The following NR3C2 variants were observed in gnomAD, a reference collection of about 807,000 sequenced individuals.
The protein encoded by NR3C2 is nuclear receptor subfamily 3 group C member 2.
A neutral mutation model predicts 86.4 loss-of-function variants in NR3C2; 15 were observed. The ratio of observed to expected loss-of-function variants is 0.17; its 90% CI spans 0.12 to 0.27. NR3C2 has a LOEUF of 0.27. NR3C2 is among the 10% of genes least tolerant of loss of function. The pLI is 1.00. For missense variants in NR3C2, 960 were observed against 1,195.6 expected (o/e 0.80, Z 2.91); for synonymous variants, 458 against 450.5 (o/e 1.02, Z -0.21).
At position 148,136,822 on chromosome 4, in the gene NR3C2, T is replaced by C. The variant is rs1370723116; in HGVS notation, c.2510+15647A>G. 3.9e-5 allele frequency among the ~76,000 whole-genome samples: 6 copies of C among 152,132 alleles called. No homozygotes were observed. The South Asian group carries it at 1.2e-3, about 32-fold the overall frequency. ...CTCGAGTGCCCATCCATAACACCTGTCATCCGTCATTTGTCTTCACCTTGT... is the reference window on the plus strand; with the variant it reads ...CTCGAGTGCCCATCCATAACACCTGCCATCCGTCATTTGTCTTCACCTTGT... On this transcript the variant is annotated intron_variant, in intron 6 of 8. Coordinates refer to ENST00000358102, the MANE Select transcript of NR3C2 (RefSeq NM_000901.5).
intron 3 of NR3C2, among the ~76,000 whole-genome samples, chr4:148,205,865 G>T (rs1736977412): frequency 1.3e-5 from 2 of 152,140 alleles, no homozygotes; most frequent in Admixed American, 1.3e-4. Context: ...TTCCTACCCA[G>T]AGAAACACAC....
At chr4:148,095,020 T>C (rs1385875512) in intron 8 of NR3C2, among the ~76,000 whole-genome samples, 3 of 152,124 alleles carry the variant, frequency 2.0e-5, no homozygotes, top group Non-Finnish European at 4.4e-5. Context: ...CAAAGCAGAA[T>C]AGTGCTTACC....
At chr4:148,276,598 C>G (rs1224169976) in intron 2 of NR3C2, among the ~76,000 whole-genome samples, 1 of 152,178 alleles carries the variant, frequency 6.6e-6, no homozygotes, top group African/African-American at 2.4e-5. Context: ...GGGCTATTGT[C>G]TGATAACAAC....
rs6854515 is a variant in NR3C2 at position 148,234,207 on chromosome 4, A to C, written c.1897+25771T>G. On this transcript the variant is annotated intron_variant, in intron 3 of 8. Coordinates refer to ENST00000358102, the MANE Select transcript of NR3C2 (RefSeq NM_000901.5). The stretch of plus-strand genomic sequence containing the variant: ...CTTTCTGTCTACTGAATACACTGTA[A>C]CAATATGTTCAGTTTCTCTATGCTA... Among the ~76,000 whole-genome samples, 1,161 of 152,320 alleles carry C rather than the reference A, an allele frequency of 7.6e-3. 10 individuals carry two copies. Among genetic ancestry groups the C allele is most frequent in the African/African-American group, 0.025 (1,036 of 41,558 alleles).
intron 4 of NR3C2, among the ~76,000 whole-genome samples, chr4:148,164,095 A>T (rs555208854): frequency 6.6e-6 from 1 of 152,340 alleles, no homozygotes; most frequent in South Asian, 2.1e-4. Flanking sequence ...GGAGGCTTGT[A>T]ACAACCTGTA....
intron 2 of NR3C2, among the ~76,000 whole-genome samples, chr4:148,263,373 C>T (rs1035963476): frequency 3.3e-5 from 5 of 152,222 alleles, no homozygotes; most frequent in Non-Finnish European, 7.3e-5. Context: ...TCAGTTACCA[C>T]CACGTCCTGC....
rs1732979628 is a variant in NR3C2, at chr4:148,130,718, GGTT to G, written c.2511-10433_2511-10431del. Among the ~76,000 whole-genome samples the G allele has an allele frequency of 1.3e-5, 2 of 151,130 alleles. 1 individual carries two copies. Among genetic ancestry groups the G allele is most frequent in the Admixed American group, 1.3e-4 (2 of 15,182 alleles). Reference sequence around the variant, plus strand: ...TCTTTGTAGATATAAACAAAACAAAGGTTGTTTTGTTTTGCTCAATCAGGGTTG... The same window carrying G: ...TCTTTGTAGATATAAACAAAACAAAGGTTTTGTTTTGCTCAATCAGGGTTG... On this transcript the variant is annotated intron_variant, in intron 6 of 8. Coordinates refer to ENST00000358102, the MANE Select transcript of NR3C2 (RefSeq NM_000901.5).
chr4:148,350,720 G>C (rs1253341489), intron 2 of NR3C2, among the ~76,000 whole-genome samples: 3 of 152,144 alleles, frequency 2.0e-5, no homozygotes, highest in Non-Finnish European at 4.4e-5. Context: ...GTTGGCAAGG[G>C]ATACAGACAG....
chr4:148,379,638 T>G (rs1304946885), intron 2 of NR3C2, among the ~76,000 whole-genome samples: 1 of 152,158 alleles, frequency 6.6e-6, no homozygotes, highest in Non-Finnish European at 1.5e-5. Context: ...AATTTTGAAA[T>G]GAGAGAAAAA....
chr4:148,444,089 T>C (rs574319439), upstream of NR3C2: 1 of 985,368 alleles, frequency 1.0e-6, no homozygotes, highest in African/African-American at 1.7e-5. Context: ...CCCAGCGAAC[T>C]GGGCATCGAT....
At chr4:148,137,787 C>T (rs550788583) in intron 6 of NR3C2, among the ~76,000 whole-genome samples, 2 of 152,072 alleles carry the variant, frequency 1.3e-5, no homozygotes, top group African/African-American at 4.8e-5. Context: ...TTTTCATATA[C>T]CTCCCCCAAA....
chr4:148,354,220 T>A (rs1235204271), intron 2 of NR3C2, among the ~76,000 whole-genome samples: 1 of 152,114 alleles, frequency 6.6e-6, no homozygotes, highest in Non-Finnish European at 1.5e-5. Flanking sequence ...AACAGTTAAG[T>A]ATATTTCCTC....
chr4:148,370,864 A>T (rs1746384388), intron 2 of NR3C2, among the ~76,000 whole-genome samples: 1 of 151,826 alleles, frequency 6.6e-6, no homozygotes, highest in Admixed American at 6.6e-5. Flanking sequence ...CCCGCCCCCC[A>T]ATAAGAGATG....
chr4:148,356,481 T>TA (rs1745554556), intron 2 of NR3C2, among the ~76,000 whole-genome samples: 1 of 152,218 alleles, frequency 6.6e-6, no homozygotes, highest in South Asian at 2.1e-4. Flanking sequence ...GTGCCATTCA[T>TA]AAAGGTGTCA....
intron 4 of NR3C2, among the ~76,000 whole-genome samples, chr4:148,160,873 T>C (rs902777459): frequency 1.3e-5 from 2 of 152,214 alleles, no homozygotes; most frequent in Non-Finnish European, 2.9e-5. Flanking sequence ...ATAACCCTAA[T>C]TGTTCTTTCC....
At chr4:148,330,980 T>C (rs1380727539) in intron 2 of NR3C2, among the ~76,000 whole-genome samples, 3 of 152,212 alleles carry the variant, frequency 2.0e-5, no homozygotes, top group Non-Finnish European at 2.9e-5. Flanking sequence ...CAGAAGCAGA[T>C]ACTGGCATTA....
Position 148,436,440 on chromosome 4 carries a change from C to T in NR3C2, c.421G>A (p.Val141Met), listed in dbSNP as rs1377081318. Residue 141 changes from valine (V) to methionine (M), a missense_variant, in exon 2 of 9, where the codon GTG (valine) becomes ATG (methionine). Transcript: ENST00000358102. ...AKIYQNVEQL[V>M]KFYKGNGHRP... is the part of the protein sequence containing the mutation. ...TGGCCATTTCCTTTGTAAAATTTCACCAGCTGTTCAACATTCTGATAAATC... is the reference window on the plus strand; with the variant it reads ...TGGCCATTTCCTTTGTAAAATTTCATCAGCTGTTCAACATTCTGATAAATC... 3 of 1,614,074 alleles carry T rather than the reference C, an allele frequency of 1.9e-6. No homozygotes were observed. In the African/African-American group the frequency reaches 4.0e-5, roughly 22 times the overall value.
intron 2 of NR3C2, among the ~76,000 whole-genome samples, chr4:148,387,386 G>C (rs1368251153): frequency 6.6e-6 from 1 of 152,162 alleles, no homozygotes; most frequent in Non-Finnish European, 1.5e-5. Context: ...CTCTAAACTA[G>C]AGAAAGGGAG....
chr4:148,347,946 G>A (rs112127744), intron 2 of NR3C2, among the ~76,000 whole-genome samples: 47 of 152,048 alleles, frequency 3.1e-4, no homozygotes, highest in African/African-American at 1.0e-3. Flanking sequence ...ACCCCTGTTT[G>A]CCTATTTTAC....
Sources: gnomAD v4.1 joint callset for allele counts (sites outside exome capture counted in the v4.1 genomes callset) on GRCh38, gnomAD v4.1.1 for gene constraint, MANE v1.5 for transcripts, NCBI Gene and HGNC (gene_info 2026-07-23, HGNC 2026-07-21) for gene names.